SCMH1: variants seen among roughly 807,000 people sequenced by gnomAD.
The protein encoded by SCMH1 is polycomb protein SCMH1.
Under a neutral mutation model 70.8 loss-of-function variants are expected in SCMH1, and 37 were observed. The ratio of observed to expected loss-of-function variants is 0.52; its 90% CI spans 0.40 to 0.69. The LOEUF (loss-of-function observed/expected upper bound fraction) is 0.69. Ranked by LOEUF, SCMH1 falls within the 30% of genes least tolerant of loss-of-function variation. SCMH1 has a pLI of 0.00. For missense variants in SCMH1, 607 were observed against 827.3 expected (o/e 0.73, Z 3.27); for synonymous variants, 292 against 307.4 (o/e 0.95, Z 0.52).
intron 8 of SCMH1, among the ~76,000 whole-genome samples, chr1:41,094,939 T>C (rs1364734857): frequency 6.6e-6 from 1 of 151,916 alleles, no homozygotes; most frequent in Non-Finnish European, 1.5e-5. Flanking sequence ...TCTGCTCAAA[T>C]GATACCTTTC....
chr1:41,063,586 AAAAC>A (rs1329795802), intron 10 of SCMH1, among the ~76,000 whole-genome samples: 3 of 148,342 alleles, frequency 2.0e-5, no homozygotes, highest in Non-Finnish European at 4.5e-5. Flanking sequence ...AACAAACAAA[AAAAC>A]AAAACAAACA....
chr1:41,183,213 T>G (rs1557762074), intron 2 of SCMH1, among the ~76,000 whole-genome samples: 1 of 152,150 alleles, frequency 6.6e-6, no homozygotes, highest in East Asian at 1.9e-4. Flanking sequence ...CATTCAGAGT[T>G]TAGGATTTCA....
intron 9 of SCMH1, among the ~76,000 whole-genome samples, chr1:41,071,336 C>T (rs765006000): frequency 2.0e-4 from 31 of 152,062 alleles, no homozygotes; most frequent in Admixed American, 1.3e-4. Context: ...ATCTAGGAAG[C>T]TTTTCTAGTT....
At chr1:41,202,105 G>A (rs904202018) in intron 1 of SCMH1, among the ~76,000 whole-genome samples, 1 of 151,950 alleles carries the variant, frequency 6.6e-6, no homozygotes, top group Non-Finnish European at 1.5e-5. Context: ...GCAGTGGTGC[G>A]ATCTTGGCTC....
At chr1:41,116,961 T>C (rs746373055) in exon 7 of SCMH1, 1 of 1,605,240 alleles carries the variant, frequency 6.2e-7, no homozygotes. Context: ...CTGCTCCATT[T>C]AGCGTCTTCA....
At chr1:41,138,297 CTATAAA>C (rs1483613322) in intron 6 of SCMH1, among the ~76,000 whole-genome samples, 3 of 152,040 alleles carry the variant, frequency 2.0e-5, no homozygotes, top group Non-Finnish European at 4.4e-5. Context: ...AAAGTAGGTC[CTATAAA>C]TATAAAGGTA....
intron 13 of SCMH1, among the ~76,000 whole-genome samples, chr1:41,035,773 T>TCCTTCCCCTCATACATCC: frequency 6.6e-6 from 1 of 152,196 alleles, no homozygotes; most frequent in Non-Finnish European, 1.5e-5. Context: ...TTCTTTGACT[T>TCCTTCCCCTCATACATCC]AGAGTCCTAC....
intron 6 of SCMH1, among the ~76,000 whole-genome samples, chr1:41,124,027 C>T (rs747110074): frequency 2.0e-5 from 3 of 152,074 alleles, no homozygotes; most frequent in Non-Finnish European, 4.4e-5. Context: ...CATGGACACA[C>T]AAACATATGT....
chr1:41,154,089 A>G (rs1645307083), intron 4 of SCMH1, among the ~76,000 whole-genome samples: 1 of 152,192 alleles, frequency 6.6e-6, no homozygotes. Flanking sequence ...TTATTTACAC[A>G]AACAGGCAGA....
intron 1 of SCMH1, among the ~76,000 whole-genome samples, chr1:41,190,477 G>A (rs1429630723): frequency 6.6e-6 from 1 of 152,200 alleles, no homozygotes; most frequent in Non-Finnish European, 1.5e-5. Flanking sequence ...GGAGAGGCAT[G>A]AATTTGCCAT....
At chr1:41,027,996 C>T (rs1365084613) in exon 15 of SCMH1, 8 of 623,768 alleles carry the variant, frequency 1.3e-5, no homozygotes, top group Non-Finnish European at 2.2e-5. Context: ...GCCCTGGACC[C>T]CCACTCTCCC....
intron 1 of SCMH1, among the ~76,000 whole-genome samples, chr1:41,192,475 G>T (rs1651934145): frequency 1.5e-5 from 2 of 133,658 alleles, no homozygotes; most frequent in Non-Finnish European, 3.3e-5. Flanking sequence ...TCATTTAGTT[G>T]TTGAGAGGAT....
At chr1:41,064,093 C>G (rs1338884900) in intron 10 of SCMH1, among the ~76,000 whole-genome samples, 1 of 152,102 alleles carries the variant, frequency 6.6e-6, no homozygotes, top group Non-Finnish European at 1.5e-5. Context: ...ACTCAACATT[C>G]AAAAATCAAT....
chr1:41,099,995 C>T (rs958963048), intron 8 of SCMH1, among the ~76,000 whole-genome samples: 5 of 151,816 alleles, frequency 3.3e-5, no homozygotes, highest in African/African-American at 9.7e-5. Context: ...ATGGTCTAGC[C>T]TGGTGACCTA....
intron 2 of SCMH1, among the ~76,000 whole-genome samples, chr1:41,181,290 T>A (rs1266177743): frequency 1.3e-5 from 2 of 152,232 alleles, no homozygotes; most frequent in East Asian, 1.9e-4. Context: ...AGGCATGGGC[T>A]AGGACTTCAT....
intron 8 of SCMH1, among the ~76,000 whole-genome samples, chr1:41,077,423 C>T (rs890999572): frequency 1.3e-5 from 2 of 152,106 alleles, no homozygotes; most frequent in African/African-American, 4.8e-5. Flanking sequence ...AACTTCAAAG[C>T]TAGACTGAGA....
intron 6 of SCMH1, among the ~76,000 whole-genome samples, chr1:41,136,587 T>C (rs937218332): frequency 6.6e-6 from 1 of 151,770 alleles, no homozygotes; most frequent in Non-Finnish European, 1.5e-5. Context: ...TTGGCCAGGA[T>C]GGTCTCAATC....
At chr1:41,050,852 TGA>T (rs1476308906) in intron 10 of SCMH1, among the ~76,000 whole-genome samples, 2 of 152,042 alleles carry the variant, frequency 1.3e-5, no homozygotes, top group Non-Finnish European at 2.9e-5. Flanking sequence ...GAGGTGAGTG[TGA>T]GGGGGATCTA....
intron 2 of SCMH1, among the ~76,000 whole-genome samples, chr1:41,182,851 T>C (rs1231365730): frequency 6.6e-6 from 1 of 152,194 alleles, no homozygotes; most frequent in Non-Finnish European, 1.5e-5. Context: ...GTGTAATTTT[T>C]AAGTACTGCC....
Sources: gnomAD v4.1 joint callset for allele counts (sites outside exome capture counted in the v4.1 genomes callset) on GRCh38, gnomAD v4.1.1 for gene constraint, MANE v1.5 for transcripts, NCBI Gene and HGNC (gene_info 2026-07-23, HGNC 2026-07-21) for gene names.